The following RASAL2 variants were observed in gnomAD, a reference collection of about 807,000 sequenced individuals.
RASAL2 encodes the protein RAS protein activator like 2, also known as ras GTPase-activating protein nGAP.
A neutral mutation model predicts 128.9 loss-of-function variants in RASAL2; 58 were observed. The ratio of observed to expected loss-of-function variants is 0.45; its 90% CI spans 0.36 to 0.56. The LOEUF is 0.56. RASAL2 is among the 20% of genes least tolerant of loss of function. RASAL2 has a pLI of 0.00. For missense variants in RASAL2, 1,360 were observed against 1,601.6 expected (o/e 0.85, Z 2.57); for synonymous variants, 561 against 580.8 (o/e 0.97, Z 0.49).
At chr1:178,160,764 G>A (rs16828608) in intron 1 of RASAL2, among the ~76,000 whole-genome samples, 19,036 of 152,198 alleles carry the variant, frequency 0.13, 1,342 homozygotes, top group African/African-American at 0.19. Flanking sequence ...TGAAAGAAAC[G>A]TAGCTTAGTT....
chr1:178,148,822 A>G (rs553340144), intron 1 of RASAL2, among the ~76,000 whole-genome samples: 1 of 152,330 alleles, frequency 6.6e-6, no homozygotes, highest in East Asian at 1.9e-4. Context: ...GTACACTTAT[A>G]TGAATATCAA....
At chr1:178,367,544 A>G (rs1557934180) in intron 3 of RASAL2, among the ~76,000 whole-genome samples, 1 of 152,156 alleles carries the variant, frequency 6.6e-6, no homozygotes. Flanking sequence ...TCACAACTGT[A>G]TGTGGGGGTC....
In RASAL2 at chr1:178,443,189, G is replaced by C. The variant is rs774461085; in HGVS notation, c.1442G>C (p.Cys481Ser). 7 of 1,612,876 alleles carry C rather than the reference G, an allele frequency of 4.3e-6. No homozygotes were observed. Among genetic ancestry groups the C allele is most frequent in the Non-Finnish European group, 5.9e-6 (7 of 1,179,010 alleles). ...GTGAGAAATAAAGAGGAGTTGGCTT[G>C]TGCCTTAGTGCACATTCTTCAAAGT... ...ISVRNKEELA[C>S]ALVHILQSTG... Residue 481 changes from cysteine (C) to serine (S), a missense_variant, in exon 8 of 18, where the codon TGT (cysteine) becomes TCT (serine). By Grantham distance (112) the Cys-to-Ser change is moderately radical. This residue lies in a region of RASAL2 where 617 missense variants were observed against 714.2 expected (regional missense o/e 0.86). Coordinates refer to ENST00000367649, the MANE Select transcript of RASAL2 (RefSeq NM_170692.4).
At chr1:178,372,270 G>A (rs1383053477) in intron 3 of RASAL2, 10 of 985,182 alleles carry the variant, frequency 1.0e-5, no homozygotes, top group East Asian at 1.1e-4. Flanking sequence ...GTGATGTGGC[G>A]GAGTGGTTGG....
chr1:178,168,918 T>C (rs1661610226), intron 1 of RASAL2, among the ~76,000 whole-genome samples: 2 of 152,058 alleles, frequency 1.3e-5, no homozygotes, highest in Non-Finnish European at 1.5e-5. Flanking sequence ...TTCATTGTAG[T>C]TGTATAGATT....
At chr1:178,254,166 T>C (rs555331084) in intron 1 of RASAL2, among the ~76,000 whole-genome samples, 2 of 152,318 alleles carry the variant, frequency 1.3e-5, no homozygotes, top group Non-Finnish European at 2.9e-5. Context: ...CTGTTGTCTC[T>C]GTGTGAGATC....
intron 5 of RASAL2, among the ~76,000 whole-genome samples, chr1:178,430,178 A>G (rs909532456): frequency 5.3e-5 from 8 of 152,072 alleles, no homozygotes; most frequent in Admixed American, 6.6e-5. Context: ...CTTCCAGATA[A>G]TAAAGAATTA....
At chr1:178,310,215 A>G (rs1032773693) in intron 3 of RASAL2, among the ~76,000 whole-genome samples, 4 of 152,230 alleles carry the variant, frequency 2.6e-5, no homozygotes, top group African/African-American at 7.2e-5. Flanking sequence ...AAGGTTGTGC[A>G]TAAGGAAACA....
chr1:178,352,168 C>T (rs1670547867), intron 3 of RASAL2, among the ~76,000 whole-genome samples: 1 of 152,106 alleles, frequency 6.6e-6, no homozygotes, highest in Non-Finnish European at 1.5e-5. Context: ...TCGAGAATTA[C>T]TATATTTTGT....
rs774427992 is a variant in RASAL2 at position 178,138,952 on chromosome 1, C to T, written c.202+44258C>T. 6.3e-4 allele frequency among the ~76,000 whole-genome samples: 95 copies of T among 151,856 alleles called. 1 individual carries two copies. Among genetic ancestry groups the T allele is most frequent in the Admixed American group, 5.9e-4 (9 of 15,254 alleles). ...TTTATAATTTTAAGATTATATAATA[C>T]CCTTTGTCTGTGGACCACAAAGCAT... is the stretch of plus-strand genomic sequence containing the variant. On this transcript the variant is annotated intron_variant, in intron 1 of 17. Transcript: ENST00000367649.
chr1:178,197,054 C>T (rs900183563), intron 1 of RASAL2, among the ~76,000 whole-genome samples: 2 of 152,192 alleles, frequency 1.3e-5, no homozygotes, highest in African/African-American at 4.8e-5. Flanking sequence ...TGGCTGACAC[C>T]TATAATCCCA....
At chr1:178,261,483 A>G (rs2102134426) in intron 1 of RASAL2, among the ~76,000 whole-genome samples, 1 of 152,350 alleles carries the variant, frequency 6.6e-6, no homozygotes, top group Admixed American at 6.5e-5. Flanking sequence ...AGCTAACACA[A>G]ACAAGTTTAT....
Position 178,210,067 on chromosome 1 carries a change from G to T in RASAL2, c.203-73497G>T, listed in dbSNP as rs1377898965. Among the ~76,000 whole-genome samples the T allele has an allele frequency of 2.6e-5, 4 of 151,518 alleles. No homozygotes were observed. The East Asian group carries it at 7.8e-4, about 29-fold the overall frequency. ...TAAATTTTCTCCCTGTGACTGTTAGGTCACTTTACTCTTCTATTTTTATAT... is the reference window on the plus strand; with the variant it reads ...TAAATTTTCTCCCTGTGACTGTTAGTTCACTTTACTCTTCTATTTTTATAT... On this transcript the variant is annotated intron_variant, in intron 1 of 17. Transcript: ENST00000367649.
chr1:178,323,941 T>C (rs541302221), intron 3 of RASAL2, among the ~76,000 whole-genome samples: 1 of 152,222 alleles, frequency 6.6e-6, no homozygotes, highest in Non-Finnish European at 1.5e-5. Flanking sequence ...GGAAAGAAAA[T>C]GCATACCCGT....
intron 15 of RASAL2, 96 bp from the exon 16 acceptor site, chr1:178,465,824 G>T: frequency 1.7e-6 from 2 of 1,150,858 alleles, no homozygotes; most frequent in African/African-American, 3.3e-5. Flanking sequence ...AAAAGAAAAA[G>T]AAAAAAAGAA....
chr1:178,322,486 T>TC (rs1668840732), intron 3 of RASAL2, among the ~76,000 whole-genome samples: 1 of 152,208 alleles, frequency 6.6e-6, no homozygotes, highest in African/African-American at 2.4e-5. Context: ...ACTAGAATGT[T>TC]CAAAACTGAA....
intron 1 of RASAL2, among the ~76,000 whole-genome samples, chr1:178,241,492 G>A (rs923973885): frequency 1.3e-5 from 2 of 152,142 alleles, no homozygotes; most frequent in African/African-American, 4.8e-5. Flanking sequence ...CATCTTTTAA[G>A]GCAGCTGTGG....
intron 1 of RASAL2, among the ~76,000 whole-genome samples, chr1:178,281,348 T>C (rs1180618330): frequency 1.3e-5 from 2 of 152,060 alleles, no homozygotes; most frequent in East Asian, 3.9e-4. Flanking sequence ...TTTTGAGACA[T>C]TGTCTTGTTT....
In RASAL2 at chr1:178,473,008, A is replaced by G; in HGVS notation, c.3679-67A>G. ...TTTGAGAGAAAGCACTGGACTAGTC[A>G]TTCAGTAAAGAAAGCGTGTTACCTC... is the stretch of plus-strand genomic sequence containing the variant. On this transcript the variant is annotated intron_variant, in intron 17 of 17. Transcript: ENST00000367649. The G allele has an allele frequency of 9.0e-6, 14 of 1,551,792 alleles. No homozygotes were observed. In the South Asian group the frequency reaches 1.5e-4, roughly 16 times the overall value.
Sources: allele counts gnomAD v4.1 joint callset (sites outside exome capture counted in the v4.1 genomes callset), GRCh38; gene constraint gnomAD v4.1.1; regional missense constraint gnomAD v4.1.1; transcripts MANE v1.5; gene names NCBI Gene and HGNC (gene_info 2026-07-23, HGNC 2026-07-21).